PIP5K1B: variants seen among roughly 807,000 people sequenced by gnomAD.
The protein encoded by PIP5K1B is phosphatidylinositol-4-phosphate 5-kinase type 1 beta, also known as phosphatidylinositol 4-phosphate 5-kinase type-1 beta.
A neutral mutation model predicts 67.0 loss-of-function variants in PIP5K1B; 42 were observed. The ratio of observed to expected loss-of-function variants is 0.63; its 90% CI spans 0.49 to 0.81. The LOEUF (loss-of-function observed/expected upper bound fraction) is 0.81. PIP5K1B is among the 30% of genes least tolerant of loss of function. PIP5K1B has a pLI of 0.00. For synonymous variants in PIP5K1B, 214 were observed against 231.4 expected, an observed-to-expected ratio of 0.92 and a Z score of 0.68; for missense variants, 459 against 646.3, an observed-to-expected ratio of 0.71 and a Z score of 3.14.
At chr9:68,988,398 CAT>C (rs1041840083) in intron 14 of PIP5K1B, among the ~76,000 whole-genome samples, 1 of 146,240 alleles carries the variant, frequency 6.8e-6, no homozygotes, top group African/African-American at 2.5e-5. Context: ...AAATAAAAAT[CAT>C]AAATAAAAAC....
At chr9:68,981,790 A>G (rs1829891062) in intron 14 of PIP5K1B, among the ~76,000 whole-genome samples, 1 of 149,732 alleles carries the variant, frequency 6.7e-6, no homozygotes, top group Non-Finnish European at 1.5e-5. Flanking sequence ...CTGATAACCA[A>G]AAGAATCTTT....
At chr9:68,726,992 T>C (rs1333495305) in intron 1 of PIP5K1B, among the ~76,000 whole-genome samples, 1 of 152,196 alleles carries the variant, frequency 6.6e-6, no homozygotes, top group Non-Finnish European at 1.5e-5. Flanking sequence ...TGTTTTTTTT[T>C]TTAGCACACA....
intron 8 of PIP5K1B, among the ~76,000 whole-genome samples, chr9:68,903,502 G>A (rs1825463309): frequency 6.6e-6 from 1 of 152,188 alleles, no homozygotes; most frequent in Non-Finnish European, 1.5e-5. Flanking sequence ...TTTTATTTAG[G>A]TGGCAACTGG....
intron 4 of PIP5K1B, among the ~76,000 whole-genome samples, chr9:68,842,856 G>T (rs894694761): frequency 3.9e-5 from 6 of 152,166 alleles, no homozygotes; most frequent in African/African-American, 1.4e-4. Flanking sequence ...CTGATACTGG[G>T]CTTTGAAGGC....
intron 14 of PIP5K1B, 23 bp from the exon 15 acceptor site, chr9:68,991,117 A>T: frequency 7.4e-7 from 1 of 1,345,966 alleles, no homozygotes. Context: ...CCTCATGCCC[A>T]TCATTCATCT....
intron 14 of PIP5K1B, among the ~76,000 whole-genome samples, chr9:68,973,471 T>G (rs1370275040): frequency 6.6e-6 from 1 of 152,188 alleles, no homozygotes; most frequent in East Asian, 1.9e-4. Context: ...TTAGACTTTT[T>G]AAGAGGAGGT....
chr9:68,776,243 G>T (rs1200833587), intron 2 of PIP5K1B, among the ~76,000 whole-genome samples: 1 of 151,924 alleles, frequency 6.6e-6, no homozygotes, highest in African/African-American at 2.4e-5. Context: ...CATTCAATTT[G>T]GATTCAGAGG....
At chr9:68,773,840 A>ATTT (rs1321586726) in intron 2 of PIP5K1B, among the ~76,000 whole-genome samples, 3 of 152,134 alleles carry the variant, frequency 2.0e-5, no homozygotes, top group Admixed American at 1.3e-4. Context: ...CTCAATGATT[A>ATTT]TTTGCAAATT....
intron 1 of PIP5K1B, chr9:68,708,208 GCTTA>G (rs954688534): frequency 6.6e-6 from 1 of 152,116 alleles, no homozygotes; most frequent in Non-Finnish European, 1.5e-5. Context: ...ACATGTCAGG[GCTTA>G]CTTGAATATT....
At chr9:68,860,498 A>G (rs935734775) in intron 4 of PIP5K1B, among the ~76,000 whole-genome samples, 1 of 152,226 alleles carries the variant, frequency 6.6e-6, no homozygotes, top group Non-Finnish European at 1.5e-5. Flanking sequence ...TGATTGGAAG[A>G]AATAAAATTT....
chr9:68,894,609 C>T lies in PIP5K1B; in HGVS notation c.742C>T (p.Leu248Phe). 1 of 1,614,082 alleles carries T rather than the reference C, an allele frequency of 6.2e-7. No homozygotes were observed. Among genetic ancestry groups the T allele is most frequent in the Non-Finnish European group, 8.5e-7 (1 of 1,179,922 alleles). ...TTTTGATACGGAAACATACAACGCG[C>T]TTATGAAAACACTTCAGAGAGACTG... ...LYFDTETYNA[L>F]MKTLQRDCRV... is the part of the protein sequence containing the mutation. The change falls in exon 8 of 16, where the codon CTT becomes TTT. Residue 248 changes from leucine (L) to phenylalanine (F), a missense_variant. Physicochemically the swap from Leu to Phe is conservative, Grantham distance 22. Around this residue, in one of 2 missense-constraint regions of PIP5K1B, gnomAD observed 290 missense variants for 474.4 expected, o/e 0.61. Transcript: ENST00000265382.
chr9:68,730,734 G>C (rs1029261013), intron 1 of PIP5K1B, among the ~76,000 whole-genome samples: 5 of 152,198 alleles, frequency 3.3e-5, no homozygotes, highest in African/African-American at 1.2e-4. Flanking sequence ...GTCACACCAA[G>C]TTGTATTGGA....
At chr9:68,754,844 G>C (rs1028004519) in intron 2 of PIP5K1B, among the ~76,000 whole-genome samples, 1 of 152,088 alleles carries the variant, frequency 6.6e-6, no homozygotes, top group Non-Finnish European at 1.5e-5. Context: ...TATCATAAAT[G>C]ATTTGTGATT....
chr9:68,919,715 C>A lies in PIP5K1B; in HGVS notation c.1102C>A (p.Leu368Ile). The A allele has an allele frequency of 1.3e-6, 2 of 1,551,160 alleles. No homozygotes were observed. The highest frequency in any genetic ancestry group is 1.1e-5 in the South Asian group (1 of 89,092). Residue 368 changes from leucine (L) to isoleucine (I), a missense_variant, in exon 11 of 16, where the codon CTT (leucine) becomes ATT (isoleucine). Coordinates refer to ENST00000265382, the MANE Select transcript of PIP5K1B (RefSeq NM_003558.4). ...GAAGTTAGAACATTCCTGGAAAGCT[C>A]TTGTTTATGATGGGGTAAGTGACTT... is the stretch of plus-strand genomic sequence containing the variant. ...MKKLEHSWKA[L>I]VYDGDTVSVH... is the part of the protein sequence containing the mutation.
chr9:68,726,018 T>C (rs561743620), intron 1 of PIP5K1B, among the ~76,000 whole-genome samples: 7 of 152,320 alleles, frequency 4.6e-5, no homozygotes, highest in African/African-American at 1.7e-4. Context: ...CAGAAAACAC[T>C]TTTAACACCT....
chr9:68,880,556 A>AACACACACACAC (rs35017818), intron 6 of PIP5K1B, among the ~76,000 whole-genome samples: 6 of 118,590 alleles, frequency 5.1e-5, no homozygotes, highest in African/African-American at 1.4e-4. Flanking sequence ...CTGCATCTGA[A>AACACACACACAC]ACACACACAC....
intron 5 of PIP5K1B, among the ~76,000 whole-genome samples, chr9:68,871,941 A>T (rs1226162353): frequency 6.6e-6 from 1 of 150,696 alleles, no homozygotes; most frequent in African/African-American, 2.4e-5. Context: ...ACATAAGTGC[A>T]TTGAAGAAAT....
intron 4 of PIP5K1B, among the ~76,000 whole-genome samples, chr9:68,858,292 G>A (rs1332671842): frequency 2.0e-5 from 3 of 152,078 alleles, no homozygotes; most frequent in East Asian, 3.9e-4. Context: ...CTGTTGACAG[G>A]TGATACTGAA....
At chr9:68,915,888 T>C (rs942993360) in intron 8 of PIP5K1B, among the ~76,000 whole-genome samples, 3 of 152,188 alleles carry the variant, frequency 2.0e-5, no homozygotes, top group Non-Finnish European at 4.4e-5. Flanking sequence ...AATAACCTAT[T>C]TCTTGAAGGC....
Sources: gnomAD v4.1 joint callset for allele counts (sites outside exome capture counted in the v4.1 genomes callset) on GRCh38, gnomAD v4.1.1 for gene constraint, gnomAD v4.1.1 regional missense constraint, MANE v1.5 for transcripts, NCBI Gene and HGNC (gene_info 2026-07-23, HGNC 2026-07-21) for gene names.